The following ZFYVE16 variants were observed in gnomAD, a reference collection of about 807,000 sequenced individuals.
The protein encoded by ZFYVE16 is zinc finger FYVE domain-containing protein 16.
Under a neutral mutation model 138.1 loss-of-function variants are expected in ZFYVE16, and 89 were observed. The ratio of observed to expected loss-of-function variants is 0.64; its 90% CI spans 0.54 to 0.77. The LOEUF (loss-of-function observed/expected upper bound fraction) is 0.77, where lower values mean the gene tolerates loss of function less well. Among genes scored for constraint, ZFYVE16 ranks in the 30% least tolerant of loss-of-function variants. The pLI is 0.00. For synonymous variants in ZFYVE16, 596 were observed against 618.3 expected (o/e 0.96, Z 0.53); for missense variants, 1,793 against 1,786.7 (o/e 1.00, Z -0.06).
At chr5:80,460,696 T>C (rs1753007507) in intron 15 of ZFYVE16, among the ~76,000 whole-genome samples, 1 of 152,190 alleles carries the variant, frequency 6.6e-6, no homozygotes, top group Non-Finnish European at 1.5e-5. Flanking sequence ...CTCTGTCACA[T>C]AGCATGTTTT....
At chr5:80,439,145 G>A in intron 4 of ZFYVE16, 138 bp downstream of exon 4, 3 of 933,576 alleles carry the variant, frequency 3.2e-6, no homozygotes. Context: ...TACCAGTCAG[G>A]GAAATATATA....
chr5:80,440,588 A>T (rs1477710837), intron 5 of ZFYVE16: 2 of 974,404 alleles, frequency 2.1e-6, no homozygotes, highest in East Asian at 1.2e-4. Flanking sequence ...TACACTTCCC[A>T]TTATTTCTTT....
intron 15 of ZFYVE16, among the ~76,000 whole-genome samples, chr5:80,460,747 T>G (rs1753014619): frequency 6.6e-6 from 1 of 152,204 alleles, no homozygotes; most frequent in South Asian, 2.1e-4. Context: ...TTCTTAGCTT[T>G]TGTTTTGTTT....
chr5:80,450,395 G>A (rs764560103), intron 9 of ZFYVE16, 36 bp from the exon 10 acceptor site: 1 of 1,588,694 alleles, frequency 6.3e-7, no homozygotes, highest in East Asian at 2.2e-5. Flanking sequence ...ACTAATAGAA[G>A]TTGACATTAA....
Position 80,470,057 on chromosome 5 carries a change from A to G in ZFYVE16, c.4025-2704A>G, listed in dbSNP as rs191990613. The stretch of plus-strand genomic sequence containing the variant: ...TGTGTATATATATGTGTGTGTGTGT[A>G]TATATACGTGTGTGTGTGTGTGTGT... On this transcript the variant is annotated intron_variant, in intron 15 of 18. Coordinates refer to ENST00000505560, the MANE Select transcript of ZFYVE16 (RefSeq NM_001284236.3). Among the ~76,000 whole-genome samples, 1,382 of 141,140 alleles carry G rather than the reference A, an allele frequency of 9.8e-3. 30 individuals are homozygous for G. The highest frequency in any genetic ancestry group is 0.034 in the African/African-American group (1,255 of 37,230). The allele number at this position is 141,140 out of a possible 152,430, so 92.6% of individuals were successfully genotyped here.
At chr5:80,475,641 C>T (rs1278494801) in intron 18 of ZFYVE16, among the ~76,000 whole-genome samples, 1 of 152,138 alleles carries the variant, frequency 6.6e-6, no homozygotes. Flanking sequence ...TACCTTGCTT[C>T]TTTAATATAT....
At chr5:80,470,292 AG>A in intron 15 of ZFYVE16, among the ~76,000 whole-genome samples, 1 of 151,400 alleles carries the variant, frequency 6.6e-6, no homozygotes, top group Non-Finnish European at 1.5e-5. Context: ...TAGTAGAGAC[AG>A]GGTTTCACCA....
intron 4 of ZFYVE16, among the ~76,000 whole-genome samples, chr5:80,439,234 T>C (rs1750377330): frequency 6.6e-6 from 1 of 152,188 alleles, no homozygotes; most frequent in African/African-American, 2.4e-5. Context: ...TGCTGGGAAA[T>C]GAGAAACAAT....
intron 3 of ZFYVE16, among the ~76,000 whole-genome samples, chr5:80,435,581 T>C (rs1455639879): frequency 6.6e-6 from 1 of 152,224 alleles, no homozygotes; most frequent in Non-Finnish European, 1.5e-5. Context: ...TTTCTTTTTT[T>C]TCTAAGAGAC....
intron 18 of ZFYVE16, among the ~76,000 whole-genome samples, chr5:80,475,621 A>C (rs1453734928): frequency 6.6e-6 from 1 of 152,084 alleles, no homozygotes; most frequent in Non-Finnish European, 1.5e-5. Context: ...TCCCTCTTTT[A>C]CACATTTTTT....
Position 80,480,222 on chromosome 5 carries a change from G to A in ZFYVE16, c.*2845G>A, listed in dbSNP as rs1314527290. 6.6e-6 allele frequency among the ~76,000 whole-genome samples: 1 copy of A among 152,164 alleles called. No homozygotes were observed. The highest frequency in any genetic ancestry group is 1.5e-5 in the Non-Finnish European group (1 of 68,018). ...GTTTAAGGAAATAAGGTGTGTGAAT[G>A]TACTTGCAGGAAATGGGAAACTATA... On this transcript the variant is annotated 3_prime_UTR_variant, in exon 19 of 19. Transcript: ENST00000505560.
At position 80,459,433 on chromosome 5, in the gene ZFYVE16, G is replaced by T; in HGVS notation, c.3963G>T (p.Val1321=). 1 of 1,612,520 alleles carries T rather than the reference G, an allele frequency of 6.2e-7. No homozygotes were observed. Among genetic ancestry groups the T allele is most frequent in the Non-Finnish European group, 8.5e-7 (1 of 1,179,266 alleles). The change falls in exon 15 of 19, where the codon GTG becomes GTT. Residue 1321 remains valine (V), a synonymous_variant. Transcript: ENST00000505560. Reference sequence around the variant, plus strand: ...GATCAGTGACAGGTGCAAGTTTTGTGGTATTCAATGGAGCTCTAAAAACAT... The same window carrying T: ...GATCAGTGACAGGTGCAAGTTTTGTTGTATTCAATGGAGCTCTAAAAACAT... The part of the protein sequence containing the change: ...HPRKVTGASF[V]VFNGALKTSS...
chr5:80,439,590 A>C (rs1269397915), intron 4 of ZFYVE16, among the ~76,000 whole-genome samples: 1 of 151,892 alleles, frequency 6.6e-6, no homozygotes, highest in Non-Finnish European at 1.5e-5. Context: ...TTTTTTTTTA[A>C]CAAAATAACA....
At chr5:80,467,987 A>G (rs578169675) in intron 15 of ZFYVE16, among the ~76,000 whole-genome samples, 16 of 152,164 alleles carry the variant, frequency 1.1e-4, no homozygotes, top group Non-Finnish European at 2.4e-4. Flanking sequence ...CAAAATTACA[A>G]CAATTAAAAT....
intron 15 of ZFYVE16, among the ~76,000 whole-genome samples, chr5:80,460,310 T>C (rs964926494): frequency 1.3e-5 from 2 of 152,132 alleles, no homozygotes; most frequent in African/African-American, 4.8e-5. Context: ...TCTTTTGCGC[T>C]TTTTTCTATT....
chr5:80,444,957 G>C (rs946251804), intron 6 of ZFYVE16, among the ~76,000 whole-genome samples: 1 of 151,976 alleles, frequency 6.6e-6, no homozygotes, highest in Admixed American at 6.6e-5. Context: ...CTCCTCTTCA[G>C]AGTGATTCCC....
rs1192612838 is a variant in ZFYVE16, at chr5:80,478,140, T to C, written c.*763T>C. On this transcript the variant is annotated 3_prime_UTR_variant, in exon 19 of 19. Coordinates refer to ENST00000505560, the MANE Select transcript of ZFYVE16 (RefSeq NM_001284236.3). Reference sequence around the variant, plus strand: ...AAATCTTTAATAATTTATATGTAGGTAATATTTTTGTATCACAATGCATTA... The same window carrying C: ...AAATCTTTAATAATTTATATGTAGGCAATATTTTTGTATCACAATGCATTA... 1.3e-5 allele frequency: 2 copies of C among 152,100 alleles called. No individual in the cohort carries two copies. The highest frequency in any genetic ancestry group is 2.9e-5 in the Non-Finnish European group (2 of 67,952). The allele number at this position is 152,100 out of a possible 1,614,324, so 9.4% of individuals were successfully genotyped here.
chr5:80,418,295 T>G (rs1222799998), intron 1 of ZFYVE16, among the ~76,000 whole-genome samples: 3 of 45,984 alleles, frequency 6.5e-5, no homozygotes, highest in Admixed American at 5.0e-4. Flanking sequence ...TCCCCTCCCC[T>G]CCCCTGCCCT....
At chr5:80,434,261 ATCTGT>A in intron 3 of ZFYVE16, 44 bp downstream of exon 3, 1 of 1,597,500 alleles carries the variant, frequency 6.3e-7, no homozygotes, top group South Asian at 1.1e-5. Context: ...ATTTAAAAAT[ATCTGT>A]AATTAAGTTA....
Sources: allele counts gnomAD v4.1 joint callset (sites outside exome capture counted in the v4.1 genomes callset), GRCh38; gene constraint gnomAD v4.1.1; transcripts MANE v1.5; gene names NCBI Gene and HGNC (gene_info 2026-07-23, HGNC 2026-07-21).